Variants in ZBTB10 observed in about 807,000 individuals in gnomAD.
The protein encoded by ZBTB10 is zinc finger and BTB domain-containing protein 10.
Under a neutral mutation model 76.4 loss-of-function variants are expected in ZBTB10, and 32 were observed. The observed-to-expected ratio is 0.42, with a 90% CI of 0.32 to 0.56. The LOEUF is 0.56. Among genes scored for constraint, ZBTB10 ranks in the 20% least tolerant of loss-of-function variants. The pLI is 0.14. For missense variants in ZBTB10, 1,057 were observed against 1,098.5 expected (o/e 0.96, Z 0.53); for synonymous variants, 523 against 432.9 (o/e 1.21, Z -2.58).
chr8:80,498,385 G>A (rs1022229260), intron 1 of ZBTB10, among the ~76,000 whole-genome samples: 1 of 151,934 alleles, frequency 6.6e-6, no homozygotes, highest in Non-Finnish European at 1.5e-5. Flanking sequence ...TTAATATTTT[G>A]TGCCAAAGAA....
At chr8:80,503,498 A>ATTTAT (rs1554552470) in intron 2 of ZBTB10, among the ~76,000 whole-genome samples, 1 of 151,216 alleles carries the variant, frequency 6.6e-6, no homozygotes, top group Non-Finnish European at 1.5e-5. Context: ...AGTGTAATTT[A>ATTTAT]TTATTTATTT....
intron 1 of ZBTB10, among the ~76,000 whole-genome samples, chr8:80,489,585 G>T (rs1815571280): frequency 6.6e-6 from 1 of 152,196 alleles, no homozygotes; most frequent in Admixed American, 6.5e-5. Flanking sequence ...GAAATCAGAA[G>T]AAGGGGCATT....
chr8:80,494,961 T>C (rs1035763270), intron 1 of ZBTB10, among the ~76,000 whole-genome samples: 1 of 151,234 alleles, frequency 6.6e-6, no homozygotes, highest in Non-Finnish European at 1.5e-5. Context: ...GCTTTCCAAC[T>C]GATCACAGTA....
chr8:80,522,479 C>G lies in ZBTB10; in HGVS notation c.*2951C>G, dbSNP rs971926035. 1 of 151,804 alleles carries G rather than the reference C, an allele frequency of 6.6e-6. No homozygotes were observed. Among genetic ancestry groups the G allele is most frequent in the Non-Finnish European group, 1.5e-5 (1 of 67,814 alleles). The allele number at this position is 151,804 out of a possible 1,614,324, so 9.4% of individuals were successfully genotyped here. A position where few individuals can be genotyped will look rare whatever the true frequency, so the allele number is the denominator to read the frequency against. ...TTAGAGTTCTCAGAGACAGATACTT[C>G]CATATGGACCCCTGTTCATTTTTCT... is the stretch of plus-strand genomic sequence containing the variant. On this transcript the variant is annotated 3_prime_UTR_variant, in exon 6 of 6. Transcript: ENST00000455036.
Position 80,519,430 on chromosome 8 carries a change from G to A in ZBTB10, c.2518G>A (p.Gly840Arg). The A allele has an allele frequency of 6.2e-7, 1 of 1,612,600 alleles. No homozygotes were observed. Among genetic ancestry groups the A allele is most frequent in the Non-Finnish European group, 8.5e-7 (1 of 1,179,380 alleles). ...RDEEYEENEVGEADEELVDDG... is the reference protein window; with the variant it reads ...RDEEYEENEVREADEELVDDG... The stretch of plus-strand genomic sequence containing the variant: ...TGAAGAATACGAGGAGAATGAAGTA[G>A]GAGAAGCTGATGAAGAGCTAGTTGA... Residue 840 changes from glycine to arginine, a missense_variant, in exon 6 of 6, where the codon GGA (glycine) becomes AGA (arginine). This residue lies in a region of ZBTB10 where 55 missense variants were observed against 65.5 expected (regional missense o/e 0.84). Coordinates refer to ENST00000455036, the MANE Select transcript of ZBTB10 (RefSeq NM_001105539.3).
Position 80,519,274 on chromosome 8 carries a change from A to G in ZBTB10, c.2362A>G (p.Met788Val). The G allele has an allele frequency of 1.2e-6, 2 of 1,613,804 alleles. No homozygotes were observed. The highest frequency in any genetic ancestry group is 2.2e-5 in the South Asian group (2 of 91,084). ...ATGTATGGTGTGTAAGAAGATCTTCATGTTAGCAGCCAGTGTTGGAATAAG... is the reference window on the plus strand; with the variant it reads ...ATGTATGGTGTGTAAGAAGATCTTCGTGTTAGCAGCCAGTGTTGGAATAAG... ...YKCMVCKKIF[M>V]LAASVGIRHG... The change falls in exon 6 of 6, where the codon ATG becomes GTG. Residue 788 changes from methionine (M) to valine (V), a missense_variant. Around this residue, in one of 5 missense-constraint regions of ZBTB10, gnomAD observed 54 missense variants for 138.1 expected, o/e 0.39. Coordinates refer to ENST00000455036, the MANE Select transcript of ZBTB10 (RefSeq NM_001105539.3).
intron 1 of ZBTB10, among the ~76,000 whole-genome samples, chr8:80,490,038 C>T (rs190516223): frequency 3.2e-4 from 48 of 152,286 alleles, no homozygotes; most frequent in African/African-American, 1.1e-3. Context: ...AGAGTGCAAT[C>T]ATTTTGTTTT....
In ZBTB10 at chr8:80,510,655, T is replaced by G. The variant is rs988147096; in HGVS notation, c.1862-3255T>G. Among the ~76,000 whole-genome samples the G allele has an allele frequency of 6.5e-3, 990 of 151,544 alleles. 7 individuals are homozygous for G. Among genetic ancestry groups the G allele is most frequent in the African/African-American group, 0.023 (933 of 41,352 alleles). ...TGTGAAACCAGTGTGTGTGTGTGTGTGTGTGTGTGTGTGTGTGTGTGTGTT... is the reference window on the plus strand; with the variant it reads ...TGTGAAACCAGTGTGTGTGTGTGTGGGTGTGTGTGTGTGTGTGTGTGTGTT... On this transcript the variant is annotated intron_variant, in intron 2 of 5. Transcript: ENST00000455036.
chr8:80,494,493 C>T (rs1356160864), intron 1 of ZBTB10, among the ~76,000 whole-genome samples: 2 of 152,130 alleles, frequency 1.3e-5, no homozygotes, highest in Admixed American at 6.5e-5. Flanking sequence ...CTCCCTCCAC[C>T]CTTTACATCT....
intron 1 of ZBTB10, among the ~76,000 whole-genome samples, chr8:80,498,568 A>C (rs899197588): frequency 6.6e-6 from 1 of 152,216 alleles, no homozygotes; most frequent in Non-Finnish European, 1.5e-5. Context: ...TTACCCACCT[A>C]GTCACTGTAT....
rs1220640158 is a variant in ZBTB10, at chr8:80,487,343, C to G, written c.533C>G (p.Ala178Gly). Residue 178 changes from alanine to glycine, a missense_variant, in exon 1 of 6, where the codon GCG (alanine) becomes GGG (glycine). By Grantham distance (60) the Ala-to-Gly change is moderately conservative. Transcript: ENST00000455036. ...GGGAAGGAGTTGATGCAGGACGGCG[C>G]GTCCCTGAGCGACAGCACCGAGGAC... ...LEGKELMQDG[A>G]SLSDSTEDEE... 3 of 1,529,944 alleles carry G rather than the reference C, an allele frequency of 2.0e-6. No individual in the cohort carries two copies. The highest frequency in any genetic ancestry group is 2.6e-6 in the Non-Finnish European group (3 of 1,135,646). 94.8% of individuals were successfully genotyped at this position (1,529,944 alleles called of 1,614,324 possible). A position where few individuals can be genotyped will look rare whatever the true frequency, so the allele number is the denominator to read the frequency against.
Position 80,487,013 on chromosome 8 carries a change from A to G in ZBTB10, c.203A>G (p.Glu68Gly). The G allele has an allele frequency of 6.6e-7, 1 of 1,514,746 alleles. No individual in the cohort carries two copies. Among genetic ancestry groups the G allele is most frequent in the Non-Finnish European group, 8.8e-7 (1 of 1,137,336 alleles). 93.8% of individuals were successfully genotyped at this position (1,514,746 alleles called of 1,614,324 possible). A position where few individuals can be genotyped will look rare whatever the true frequency, so the allele number is the denominator to read the frequency against. ...PNGRGADEEVELEGLEPQDLE... is the reference protein window; with the variant it reads ...PNGRGADEEVGLEGLEPQDLE... ...GGGCGGGGGGCCGACGAGGAAGTGG[A>G]ATTGGAGGGCCTGGAGCCCCAAGAC... The change falls in exon 1 of 6, where the codon GAA becomes GGA. Residue 68 changes from glutamate (E) to glycine (G), a missense_variant. This residue lies in a region of ZBTB10 where 556 missense variants were observed against 451.7 expected (regional missense o/e 1.23). Coordinates refer to ENST00000455036, the MANE Select transcript of ZBTB10 (RefSeq NM_001105539.3).
At chr8:80,496,036 T>G (rs1402622996) in intron 1 of ZBTB10, among the ~76,000 whole-genome samples, 2 of 152,222 alleles carry the variant, frequency 1.3e-5, no homozygotes, top group East Asian at 3.8e-4. Context: ...TCACTACATT[T>G]GAAAAGACCA....
chr8:80,492,180 C>CATTATTTATA (rs1474875971), intron 1 of ZBTB10, among the ~76,000 whole-genome samples: 2 of 152,144 alleles, frequency 1.3e-5, no homozygotes, highest in East Asian at 3.9e-4. Context: ...ATATATTTTA[C>CATTATTTATA]ATTATTTATA....
At chr8:80,485,730 G>A, upstream of ZBTB10, 1 of 1,496,202 alleles carries the variant, frequency 6.7e-7, no homozygotes, top group South Asian at 1.2e-5. Context: ...TCCAGTCTTT[G>A]TGAAGGAACA....
Position 80,516,612 on chromosome 8 carries a change from A to G in ZBTB10, c.1961-1791A>G, listed in dbSNP as rs534654841. ...CAAACACTAATTAGGTGCAGCTATA[A>G]TGAGTTATAGTTGAATTTATGTAGC... On this transcript the variant is annotated intron_variant, in intron 3 of 5. Transcript: ENST00000455036. 1.8e-3 allele frequency among the ~76,000 whole-genome samples: 269 copies of G among 152,328 alleles called. 1 individual carries two copies. The highest frequency in any genetic ancestry group is 2.9e-3 in the Non-Finnish European group (200 of 68,030).
intron 2 of ZBTB10, among the ~76,000 whole-genome samples, chr8:80,507,948 T>C (rs1764764328): frequency 6.6e-6 from 1 of 152,294 alleles, no homozygotes; most frequent in East Asian, 1.9e-4. Context: ...TTATATGATA[T>C]ACTAATGCAT....
At chr8:80,486,201 A>T, upstream of ZBTB10, 4 of 1,102,180 alleles carry the variant, frequency 3.6e-6, no homozygotes, top group Non-Finnish European at 4.4e-6. Flanking sequence ...ACCCCGGTGC[A>T]TTGTGGGCGC....
chr8:80,497,857 T>G (rs1815826876), intron 1 of ZBTB10, among the ~76,000 whole-genome samples: 1 of 151,910 alleles, frequency 6.6e-6, no homozygotes, highest in African/African-American at 2.4e-5. Flanking sequence ...GAGACGGGGT[T>G]TCACCACATT....
Sources: allele counts gnomAD v4.1 joint callset (sites outside exome capture counted in the v4.1 genomes callset), GRCh38; gene constraint gnomAD v4.1.1; regional missense constraint gnomAD v4.1.1; transcripts MANE v1.5; gene names NCBI Gene and HGNC (gene_info 2026-07-23, HGNC 2026-07-21).